MED13: variants seen among roughly 807,000 people sequenced by gnomAD.
MED13 encodes the protein mediator complex subunit 13.
Under a neutral mutation model 225.2 loss-of-function variants are expected in MED13, and 23 were observed. The observed-to-expected ratio is 0.10, with a 90% CI of 0.07 to 0.14. MED13 has a LOEUF of 0.14. MED13 is among the 10% of genes least tolerant of loss of function. MED13 has a pLI of 1.00. For missense variants in MED13, 2,197 were observed against 2,594.5 expected (o/e 0.85, Z 3.33); for synonymous variants, 942 against 889.2 (o/e 1.06, Z -1.06).
At chr17:62,060,852 A>C (rs1336793446) in intron 2 of MED13, among the ~76,000 whole-genome samples, 1 of 151,806 alleles carries the variant, frequency 6.6e-6, no homozygotes, top group African/African-American at 2.4e-5. Context: ...GGTGCGTGCC[A>C]CCATGCCCAG....
chr17:61,984,914 T>C (rs770529045), intron 13 of MED13, 49 bp from the exon 14 acceptor site: 1 of 1,593,786 alleles, frequency 6.3e-7, no homozygotes, highest in Non-Finnish European at 8.6e-7. Flanking sequence ...AATAGGCGAA[T>C]CTGTGTTTAA....
chr17:62,000,526 T>C (rs1055641473), intron 9 of MED13, among the ~76,000 whole-genome samples: 2 of 152,152 alleles, frequency 1.3e-5, no homozygotes, highest in Admixed American at 6.5e-5. Context: ...ATCTCTCTCC[T>C]TCAAGATAAC....
chr17:62,031,142 TGTATAG>T, intron 6 of MED13: 1 of 199,404 alleles, frequency 5.0e-6, no homozygotes. Context: ...GAGTAATAGT[TGTATAG>T]GAGAGTGTCC....
chr17:61,984,688 T>C lies in MED13; in HGVS notation c.2654A>G (p.Asp885Gly). The change falls in exon 14 of 30, where the codon GAT becomes GGT. Residue 885 changes from aspartate (D) to glycine (G), a missense_variant. Physicochemically the swap from Asp to Gly is moderately conservative, Grantham distance 94. Coordinates refer to ENST00000397786, the MANE Select transcript of MED13 (RefSeq NM_005121.3). ...SIGAQFKIEV[D>G]EGFCSPKPSE... ...AGGTTTGGGGCTACAGAATCCCTCA[T>C]CAACCTCAATTTTGAACTGCGCTCC... is the stretch of plus-strand genomic sequence containing the variant. 1 of 1,613,704 alleles carries C rather than the reference T, an allele frequency of 6.2e-7. No homozygotes were observed.
chr17:62,025,128 G>A lies in MED13; in HGVS notation c.1283+4413C>T, dbSNP rs77345619. On this transcript the variant is annotated intron_variant, in intron 8 of 29. Transcript: ENST00000397786. The stretch of plus-strand genomic sequence containing the variant: ...AAGCATTCTTTTAGTCTTAGACCAG[G>A]GATTAGCAAACTTTTTCTGTAGTGA... Among the ~76,000 whole-genome samples, 83 of 152,250 alleles carry A rather than the reference G, an allele frequency of 5.5e-4. No individual in the cohort carries two copies. The East Asian group carries it at 0.015, about 28-fold the overall frequency.
intron 3 of MED13, among the ~76,000 whole-genome samples, chr17:62,048,806 C>A (rs1213181512): frequency 6.6e-6 from 1 of 152,088 alleles, no homozygotes; most frequent in Non-Finnish European, 1.5e-5. Flanking sequence ...AGATCATTCA[C>A]TCTAGTAAAG....
chr17:61,981,954 T>A lies in MED13; in HGVS notation c.3805+244A>T, dbSNP rs140451971. On this transcript the variant is annotated intron_variant, in intron 16 of 29. Coordinates refer to ENST00000397786, the MANE Select transcript of MED13 (RefSeq NM_005121.3). Reference sequence around the variant, plus strand: ...TAGCAATGTTATGCTAATAAATATATGGAATGTGCCTTTCATATTCCTACA... The same window carrying A: ...TAGCAATGTTATGCTAATAAATATAAGGAATGTGCCTTTCATATTCCTACA... Among the ~76,000 whole-genome samples the A allele has an allele frequency of 2.8e-3, 423 of 152,344 alleles. 1 individual carries two copies. Among genetic ancestry groups the A allele is most frequent in the African/African-American group, 9.7e-3 (404 of 41,582 alleles).
chr17:61,965,338 G>A lies in MED13; in HGVS notation c.4512C>T (p.Ala1504=). ...TNTGNANTPS[A]TLASAASSTM... ...TGCTGCTCGCTGCAGATGCTAAGGT[G>A]GCAGATGGAGTATTAGCATTTCCAG... The change falls in exon 20 of 30, where the codon GCC becomes GCT. Residue 1504 remains alanine (A), a synonymous_variant. Transcript: ENST00000397786. 17 of 1,614,178 alleles carry A rather than the reference G, an allele frequency of 1.1e-5. No individual in the cohort carries two copies. Among genetic ancestry groups the A allele is most frequent in the Non-Finnish European group, 1.4e-5 (16 of 1,180,016 alleles).
chr17:61,986,207 A>G (rs1193936184), intron 12 of MED13, among the ~76,000 whole-genome samples: 1 of 152,336 alleles, frequency 6.6e-6, no homozygotes, highest in East Asian at 1.9e-4. Context: ...ATTATGGGAT[A>G]CACAGTAAAA....
chr17:61,967,990 A>G, intron 18 of MED13, 45 bp downstream of exon 18: 1 of 1,454,268 alleles, frequency 6.9e-7, no homozygotes, highest in Non-Finnish European at 9.6e-7. Context: ...CAACAATACA[A>G]ATCGTAAGGT....
Position 62,011,024 on chromosome 17 carries a change from A to G in MED13, c.1493T>C (p.Val498Ala). The part of the protein sequence containing the change: ...MDADSASQRL[V>A]ISAPDSQVRF... ...CACTTGACTGTCTGGAGCAGAGATCACAAGTCTTTGGCTGGCTGAATCTGC... is the reference window on the plus strand; with the variant it reads ...CACTTGACTGTCTGGAGCAGAGATCGCAAGTCTTTGGCTGGCTGAATCTGC... Residue 498 changes from valine (V) to alanine (A), a missense_variant, in exon 9 of 30, where the codon GTG becomes GCG. Val to Ala is a moderately conservative substitution (Grantham distance 64, BLOSUM62 0). Transcript: ENST00000397786. The G allele has an allele frequency of 1.2e-6, 2 of 1,614,212 alleles. No homozygotes were observed. Among genetic ancestry groups the G allele is most frequent in the Non-Finnish European group, 1.7e-6 (2 of 1,180,022 alleles).
intron 2 of MED13, among the ~76,000 whole-genome samples, chr17:62,055,212 T>C (rs1016008549): frequency 6.6e-6 from 1 of 151,886 alleles, no homozygotes; most frequent in Non-Finnish European, 1.5e-5. Flanking sequence ...CTGGCCAACA[T>C]GGCAAAACCC....
chr17:61,952,852 G>C (rs1242454557), intron 27 of MED13, 113 bp downstream of exon 27: 2 of 1,236,610 alleles, frequency 1.6e-6, no homozygotes, highest in East Asian at 4.8e-5. Context: ...GGCCAGGCTG[G>C]TCTCAAACTC....
intron 14 of MED13, 59 bp from the exon 15 acceptor site, chr17:61,984,426 A>C: frequency 7.8e-7 from 1 of 1,274,642 alleles, no homozygotes; most frequent in Non-Finnish European, 1.1e-6. Flanking sequence ...AAAAATAAAT[A>C]AACAAACAGG....
chr17:61,971,293 T>G (rs796835107), intron 17 of MED13, among the ~76,000 whole-genome samples: 14 of 149,940 alleles, frequency 9.3e-5, no homozygotes, highest in African/African-American at 3.4e-4. Flanking sequence ...TTTTTTTTTT[T>G]GAGATGGAGT....
chr17:62,048,052 A>G (rs550028689), intron 3 of MED13, among the ~76,000 whole-genome samples: 87 of 146,046 alleles, frequency 6.0e-4, no homozygotes, highest in Middle Eastern at 3.6e-3. Flanking sequence ...ACATATATAT[A>G]TATATATATA....
intron 3 of MED13, among the ~76,000 whole-genome samples, chr17:62,037,241 A>G (rs918820686): frequency 2.0e-5 from 3 of 152,110 alleles, no homozygotes; most frequent in African/African-American, 7.2e-5. Context: ...CGACAGAGTA[A>G]GACTGTCTCA....
At position 61,961,779 on chromosome 17, in the gene MED13, T is replaced by C. The variant is rs576729086; in HGVS notation, c.5065A>G (p.Ile1689Val). 1.9e-5 allele frequency: 30 copies of C among 1,611,816 alleles called. No individual in the cohort carries two copies. In the South Asian group the frequency reaches 3.1e-4, roughly 17 times the overall value. The change falls in exon 22 of 30, where the codon ATT becomes GTT. Residue 1689 changes from isoleucine to valine, a missense_variant and splice_region_variant. Coordinates refer to ENST00000397786, the MANE Select transcript of MED13 (RefSeq NM_005121.3). ...TGCAACAGGTACTGACAAGGAATAA[T>C]CTAAGAAGTATAGGCAAATATTACA... is the stretch of plus-strand genomic sequence containing the variant. Reference protein sequence around the residue: ...PHIKSTVSVQIIPCQYLLQPV... With the variant: ...PHIKSTVSVQVIPCQYLLQPV...
chr17:61,981,621 A>G (rs76465459), intron 16 of MED13, among the ~76,000 whole-genome samples: 1,998 of 152,280 alleles, frequency 0.013, 40 homozygotes, highest in African/African-American at 0.045. Context: ...TACATAGCTC[A>G]TATTCTATGT....
Sources: allele counts gnomAD v4.1 joint callset (sites outside exome capture counted in the v4.1 genomes callset), GRCh38; gene constraint gnomAD v4.1.1; transcripts MANE v1.5; gene names NCBI Gene and HGNC (gene_info 2026-07-23, HGNC 2026-07-21).